The following GATB variants were observed in gnomAD, a reference collection of about 807,000 sequenced individuals.
The protein encoded by GATB is glutamyl-tRNA(Gln) amidotransferase subunit B, mitochondrial.
In GATB, 39 loss-of-function variants were observed where a neutral mutation model predicts 62.3. The ratio of observed to expected loss-of-function variants is 0.63; its 90% CI spans 0.48 to 0.82. GATB has a LOEUF of 0.82. Among genes scored for constraint, GATB ranks in the 40% least tolerant of loss-of-function variants. The probability of loss-of-function intolerance (pLI) is 0.00; values close to 1 mark genes in which losing one functional copy is unlikely to be tolerated. For missense variants in GATB, 670 were observed against 684.0 expected, an observed-to-expected ratio of 0.98 and a Z score of 0.23; for synonymous variants, 276 against 258.9, an observed-to-expected ratio of 1.07 and a Z score of -0.63.
At chr4:151,676,781 T>C (rs1193074317) in intron 11 of GATB, among the ~76,000 whole-genome samples, 2 of 152,186 alleles carry the variant, frequency 1.3e-5, no homozygotes, top group East Asian at 3.8e-4. Context: ...AAGGCTGCTT[T>C]GTGGCAGCAA....
chr4:151,713,791 A>G (rs1166982096), intron 5 of GATB, among the ~76,000 whole-genome samples: 1 of 152,152 alleles, frequency 6.6e-6, no homozygotes, highest in Non-Finnish European at 1.5e-5. Context: ...GGGAAGTGGT[A>G]CGAAGCTGTG....
rs181108432 is a variant in GATB at position 151,750,325 on chromosome 4, G to A, written c.327+8447C>T. 1.6e-4 allele frequency among the ~76,000 whole-genome samples: 24 copies of A among 152,280 alleles called. 1 individual carries two copies. Among genetic ancestry groups the A allele is most frequent in the Admixed American group, 2.6e-4 (4 of 15,300 alleles). On this transcript the variant is annotated intron_variant, in intron 2 of 12. Coordinates refer to ENST00000263985, the MANE Select transcript of GATB (RefSeq NM_004564.3). ...CACCTTCAGATCTTTGAGCTGTCTC[G>A]TTTGGTATTTATCTTCCTATTTTTA... is the stretch of plus-strand genomic sequence containing the variant.
At chr4:151,707,097 T>C (rs997235336) in intron 6 of GATB, among the ~76,000 whole-genome samples, 3 of 152,214 alleles carry the variant, frequency 2.0e-5, no homozygotes, top group Non-Finnish European at 4.4e-5. Flanking sequence ...TTAAAAAGAA[T>C]ATAAAAAGCA....
intron 9 of GATB, 91 bp from the exon 10 acceptor site, chr4:151,688,854 C>T: frequency 7.7e-7 from 1 of 1,299,536 alleles, no homozygotes; most frequent in Non-Finnish European, 1.1e-6. Flanking sequence ...GTCCCCTCTG[C>T]CTCCTCTGAG....
At chr4:151,671,414 AGT>A (rs1263926367) in intron 12 of GATB, 112 bp from the exon 13 acceptor site, 12 of 1,001,220 alleles carry the variant, frequency 1.2e-5, no homozygotes, top group Non-Finnish European at 1.2e-5. Flanking sequence ...TATTTCCACT[AGT>A]ATTAGACATA....
At chr4:151,689,810 C>A (rs1051203422) in intron 9 of GATB, among the ~76,000 whole-genome samples, 2 of 152,132 alleles carry the variant, frequency 1.3e-5, no homozygotes, top group Non-Finnish European at 2.9e-5. Flanking sequence ...ATGCATACGA[C>A]CAGCCCTGAG....
chr4:151,701,389 C>T lies in GATB; in HGVS notation c.1137G>A (p.Val379=), dbSNP rs750978291. The part of the protein sequence containing the change: ...IRETLPELPS[V]TREKLVQQYG... The stretch of plus-strand genomic sequence containing the variant: ...ACTGTTGGACAAGCTTCTCTCGGGT[C>T]ACACTGGGGAGCTCCGGGAGTGTCT... Residue 379 remains valine, a synonymous_variant, in exon 9 of 13, where the codon GTG becomes GTA. Transcript: ENST00000263985. The T allele has an allele frequency of 3.1e-6, 5 of 1,600,292 alleles. No individual in the cohort carries two copies. Among genetic ancestry groups the T allele is most frequent in the Non-Finnish European group, 4.3e-6 (5 of 1,173,046 alleles).
At chr4:151,732,655 A>G (rs1019600001) in intron 2 of GATB, among the ~76,000 whole-genome samples, 6 of 150,658 alleles carry the variant, frequency 4.0e-5, no homozygotes, top group Non-Finnish European at 7.4e-5. Context: ...CCTTCCCTCC[A>G]CTATTGTCCT....
Position 151,705,028 on chromosome 4 carries a change from T to C in GATB, c.962+157A>G, listed in dbSNP as rs1578912213. Among the ~76,000 whole-genome samples the C allele has an allele frequency of 3.3e-5, 5 of 152,294 alleles. No homozygotes were observed. In the South Asian group the frequency reaches 1.0e-3, roughly 32 times the overall value. ...TCCCAAAGTGCTGGGATTACAGGCA[T>C]GAAGGGTACAGTACTTTTCTAATTG... On this transcript the variant is annotated intron_variant, in intron 7 of 12. Transcript: ENST00000263985.
At chr4:151,735,757 T>TA (rs1186195836) in intron 2 of GATB, among the ~76,000 whole-genome samples, 8 of 136,410 alleles carry the variant, frequency 5.9e-5, no homozygotes, top group Non-Finnish European at 6.2e-5. Context: ...TATATATATA[T>TA]GATGGAATAC....
At chr4:151,673,748 C>T (rs186429155) in intron 11 of GATB, 5 of 152,288 alleles carry the variant, frequency 3.3e-5, no homozygotes, top group African/African-American at 4.8e-5. Context: ...TGTCTTCTAG[C>T]GAAAGCCAGA....
intron 2 of GATB, among the ~76,000 whole-genome samples, chr4:151,726,590 T>G (rs1739142374): frequency 6.6e-6 from 1 of 152,218 alleles, no homozygotes; most frequent in Non-Finnish European, 1.5e-5. Context: ...TTTAAATCCC[T>G]CTTTCCCGAA....
chr4:151,727,160 G>A (rs1385057158), intron 2 of GATB, among the ~76,000 whole-genome samples: 1 of 152,190 alleles, frequency 6.6e-6, no homozygotes, highest in Non-Finnish European at 1.5e-5. Flanking sequence ...GGCTCAAGCG[G>A]TGTGCCCGCC....
chr4:151,711,360 C>A (rs1738815466), intron 5 of GATB, among the ~76,000 whole-genome samples: 1 of 152,208 alleles, frequency 6.6e-6, no homozygotes, highest in Non-Finnish European at 1.5e-5. Flanking sequence ...AGCTAAACTT[C>A]TTGCCATTCT....
At chr4:151,756,316 G>A (rs889841645) in intron 2 of GATB, among the ~76,000 whole-genome samples, 8 of 152,150 alleles carry the variant, frequency 5.3e-5, no homozygotes, top group African/African-American at 1.9e-4. Flanking sequence ...GGCTATCAGA[G>A]CATGTTTATA....
At chr4:151,711,855 A>C (rs1738824309) in intron 5 of GATB, among the ~76,000 whole-genome samples, 1 of 152,188 alleles carries the variant, frequency 6.6e-6, no homozygotes, top group Non-Finnish European at 1.5e-5. Context: ...CTGAGCAATG[A>C]GTAAGCAGAC....
intron 2 of GATB, among the ~76,000 whole-genome samples, chr4:151,757,667 T>C (rs376742714): frequency 2.6e-4 from 40 of 152,150 alleles, no homozygotes; most frequent in East Asian, 1.4e-3. Context: ...TTAGTAGAGA[T>C]GGGGTTTCAC....
At chr4:151,700,465 G>A (rs146397221) in intron 9 of GATB, among the ~76,000 whole-genome samples, 1 of 152,298 alleles carries the variant, frequency 6.6e-6, no homozygotes, top group African/African-American at 2.4e-5. Context: ...ATGCTAGGAT[G>A]TTGTTATTGG....
At chr4:151,697,087 C>G (rs1738484747) in intron 9 of GATB, among the ~76,000 whole-genome samples, 1 of 152,132 alleles carries the variant, frequency 6.6e-6, no homozygotes, top group Non-Finnish European at 1.5e-5. Flanking sequence ...CCCTAAAGAA[C>G]TACAAATAGA....
Sources: gnomAD v4.1 joint callset for allele counts (sites outside exome capture counted in the v4.1 genomes callset) on GRCh38, gnomAD v4.1.1 for gene constraint, MANE v1.5 for transcripts, NCBI Gene and HGNC (gene_info 2026-07-23, HGNC 2026-07-21) for gene names.